DNAI1: variants seen among roughly 807,000 people sequenced by gnomAD.
DNAI1 encodes dynein axonemal intermediate chain 1.
In DNAI1, 67 loss-of-function variants were observed where a neutral mutation model predicts 92.0. The observed-to-expected ratio is 0.73, with a 90% CI of 0.60 to 0.89. The LOEUF (loss-of-function observed/expected upper bound fraction) is 0.89. Ranked by LOEUF, DNAI1 falls within the 40% of genes least tolerant of loss-of-function variation. DNAI1 has a pLI of 0.00. For missense variants in DNAI1, 839 were observed against 866.6 expected (o/e 0.97, Z 0.40); for synonymous variants, 323 against 319.6 (o/e 1.01, Z -0.11).
At chr9:34,469,225 C>T (rs1824094243) in intron 1 of DNAI1, among the ~76,000 whole-genome samples, 4 of 149,652 alleles carry the variant, frequency 2.7e-5, no homozygotes, top group Middle Eastern at 3.5e-3. Context: ...TGACTTCTCA[C>T]CATAAACAAT....
At chr9:34,490,792 A>C (rs1003444910) in intron 7 of DNAI1, among the ~76,000 whole-genome samples, 1 of 152,138 alleles carries the variant, frequency 6.6e-6, no homozygotes, top group Non-Finnish European at 1.5e-5. Context: ...GGGAGGCCAC[A>C]GTGTGTTCAG....
rs934934914 is a variant in DNAI1 at position 34,514,557 on chromosome 9, C to T, written c.1718+15C>T. The T allele has an allele frequency of 1.2e-6, 2 of 1,614,232 alleles. No individual in the cohort carries two copies. The highest frequency in any genetic ancestry group is 4.5e-5 in the East Asian group (2 of 44,892). ...CACACCATCAAGTGAGGGGCCTGTT[C>T]CTGGCTCTGCCTGGGGCCCTCCCCT... On this transcript the variant is annotated intron_variant, in intron 17 of 19. Transcript: ENST00000242317.
At chr9:34,494,475 C>G (rs1824676376) in intron 9 of DNAI1, among the ~76,000 whole-genome samples, 1 of 152,192 alleles carries the variant, frequency 6.6e-6, no homozygotes, top group Non-Finnish European at 1.5e-5. Flanking sequence ...CTGATCCATT[C>G]TCTAGAGGTT....
chr9:34,511,589 A>G (rs1264005722), intron 13 of DNAI1, among the ~76,000 whole-genome samples: 3 of 152,164 alleles, frequency 2.0e-5, no homozygotes, highest in Non-Finnish European at 4.4e-5. Context: ...CAATGAGGAC[A>G]TTAGCTAACA....
chr9:34,461,610 A>G (rs1470660148), intron 1 of DNAI1, among the ~76,000 whole-genome samples: 1 of 152,246 alleles, frequency 6.6e-6, no homozygotes, highest in Non-Finnish European at 1.5e-5. Flanking sequence ...CACTGAGAGC[A>G]GGGAGAGGTG....
intron 12 of DNAI1, among the ~76,000 whole-genome samples, chr9:34,502,603 G>A (rs1414259320): frequency 6.6e-6 from 1 of 152,176 alleles, no homozygotes; most frequent in Non-Finnish European, 1.5e-5. Context: ...CGTGGGGGCT[G>A]GAGGGCTGGG....
At position 34,485,210 on chromosome 9, in the gene DNAI1, AC is replaced by A; in HGVS notation, c.155del (p.Pro52LeufsTer6). The A allele has an allele frequency of 6.2e-7, 1 of 1,613,878 alleles. No individual in the cohort carries two copies. The highest frequency in any genetic ancestry group is 8.5e-7 in the Non-Finnish European group (1 of 1,179,962). On this transcript the variant is annotated frameshift_variant, in exon 3 of 20. Transcript: ENST00000242317. LOFTEE classifies it high-confidence loss of function. ...GGGCCCAATCCAAAGCCACAGTTAG[AC>A]CCCCTGACCAGCTGGAGTTGACCGA... is the stretch of plus-strand genomic sequence containing the variant. ...EWAQSKATVRPPDQLELTDAE... is the reference protein window; with the variant it reads ...EWAQSKATVRXPDQLELTDAE...
chr9:34,504,151 C>T (rs1824881543), intron 12 of DNAI1, among the ~76,000 whole-genome samples: 1 of 152,182 alleles, frequency 6.6e-6, no homozygotes, highest in Non-Finnish European at 1.5e-5. Flanking sequence ...TGTTCCCCAG[C>T]CCAGCCTCTG....
intron 1 of DNAI1, among the ~76,000 whole-genome samples, chr9:34,463,623 G>A (rs1823987927): frequency 6.6e-6 from 1 of 152,080 alleles, no homozygotes; most frequent in African/African-American, 2.4e-5. Context: ...GCTAATTTTA[G>A]TTTATGACTA....
chr9:34,491,006 T>C (rs1011611106), intron 7 of DNAI1, among the ~76,000 whole-genome samples: 1 of 152,020 alleles, frequency 6.6e-6, no homozygotes, highest in Non-Finnish European at 1.5e-5. Context: ...GTCTACAGGG[T>C]GAGTTTTTGA....
chr9:34,494,861 G>A (rs559009864), intron 9 of DNAI1, among the ~76,000 whole-genome samples: 1 of 152,258 alleles, frequency 6.6e-6, no homozygotes, highest in South Asian at 2.1e-4. Context: ...CTCTCCCCAA[G>A]GCAATAATTA....
intron 19 of DNAI1, among the ~76,000 whole-genome samples, chr9:34,520,401 A>G (rs1039691463): frequency 4.6e-5 from 7 of 152,126 alleles, no homozygotes; most frequent in Non-Finnish European, 1.0e-4. Flanking sequence ...CACTCCCACA[A>G]GCATCAAGAC....
chr9:34,483,006 G>T (rs1367116665), intron 1 of DNAI1, among the ~76,000 whole-genome samples: 1 of 152,198 alleles, frequency 6.6e-6, no homozygotes, highest in African/African-American at 2.4e-5. Flanking sequence ...CACTGGCCCG[G>T]GTGCTAAGTC....
intron 16 of DNAI1, 106 bp from the exon 17 acceptor site, chr9:34,514,288 T>C: frequency 2.8e-6 from 4 of 1,450,458 alleles, no homozygotes; most frequent in Non-Finnish European, 2.9e-6. Context: ...TGGGATGCGA[T>C]GTGGGTTAAG....
At chr9:34,492,241 TG>T (rs371177344) in intron 8 of DNAI1, among the ~76,000 whole-genome samples, 4 of 152,038 alleles carry the variant, frequency 2.6e-5, no homozygotes, top group African/African-American at 4.8e-5. Context: ...TTTGCTTATC[TG>T]ACCTCCAGGT....
rs1052059710 is a variant in DNAI1, at chr9:34,458,847, A to G, written c.-159A>G. On this transcript the variant is annotated 5_prime_UTR_variant, in exon 1 of 20. Transcript: ENST00000242317. This position sits in a 1 kb window ranked among gnomAD's most constrained non-coding sequence, Gnocchi z 6.6. ...GTCAGGGAGTTGGATTCTATCCTGC[A>G]AGGGCACGGGGACCCACAACGACGG... 2.8e-6 allele frequency: 2 copies of G among 718,222 alleles called. No individual in the cohort carries two copies. The highest frequency in any genetic ancestry group is 5.1e-6 in the Non-Finnish European group (2 of 392,262). The allele number at this position is 718,222 out of a possible 1,614,324, so 44.5% of individuals were successfully genotyped here. A position where few individuals can be genotyped will look rare whatever the true frequency, so the allele number is the denominator to read the frequency against.
intron 7 of DNAI1, among the ~76,000 whole-genome samples, 154 bp downstream of exon 7, chr9:34,490,642 T>C (rs1824571653): frequency 6.6e-6 from 1 of 152,178 alleles, no homozygotes; most frequent in Non-Finnish European, 1.5e-5. Flanking sequence ...GCTGAGAGCA[T>C]GTGTTCAGGT....
intron 1 of DNAI1, among the ~76,000 whole-genome samples, chr9:34,462,907 C>CT (rs1331706039): frequency 2.6e-5 from 4 of 152,124 alleles, no homozygotes; most frequent in Admixed American, 1.3e-4. Flanking sequence ...ACAAAACAAA[C>CT]AAAAATCCCT....
chr9:34,506,536 G>C (rs1224992772), intron 12 of DNAI1, 91 bp from the exon 13 acceptor site: 15 of 1,570,920 alleles, frequency 9.5e-6, no homozygotes, highest in African/African-American at 1.3e-5. Flanking sequence ...GCAGGGCAGG[G>C]CTTGCCCACC....
Sources: allele counts gnomAD v4.1 joint callset (sites outside exome capture counted in the v4.1 genomes callset), GRCh38; gene constraint gnomAD v4.1.1; non-coding constraint Gnocchi (gnomAD v3.1); transcripts MANE v1.5; gene names NCBI Gene and HGNC (gene_info 2026-07-23, HGNC 2026-07-21).